Variants in WDR97 observed in about 807,000 individuals in gnomAD.
The protein encoded by WDR97 is WD repeat-containing protein 97.
In WDR97, 111 loss-of-function variants were observed where a neutral mutation model predicts 65.4. The observed-to-expected ratio is 1.70, with a 90% CI of 1.45 to 1.99. WDR97 has a LOEUF of 1.99. Among genes scored for constraint, WDR97 ranks in the 30% most tolerant of loss-of-function variants. WDR97 has a pLI of 0.00. For synonymous variants in WDR97, 802 were observed against 397.7 expected (o/e 2.02, Z -12.10); for missense variants, 1,674 against 865.0 (o/e 1.94, Z -11.73).
At chr8:144,115,147 T>G (rs918337312) in intron 21 of WDR97, among the ~76,000 whole-genome samples, 194 bp from the exon 22 acceptor site, 4 of 152,002 alleles carry the variant, frequency 2.6e-5, no homozygotes, top group Non-Finnish European at 4.4e-5. Context: ...GTCAGGGGAG[T>G]GGCAGCCCCT....
Position 144,114,426 on chromosome 8 carries a change from A to G in WDR97, c.3743A>G (p.Gln1248Arg). 1 of 702,828 alleles carries G rather than the reference A, an allele frequency of 1.4e-6. No homozygotes were observed. The highest frequency in any genetic ancestry group is 2.6e-6 in the Non-Finnish European group (1 of 384,982). The allele number at this position is 702,828 out of a possible 1,614,324, so 43.5% of individuals were successfully genotyped here. Residue 1248 changes from glutamine (Q) to arginine (R), a missense_variant, in exon 19 of 24, where the codon CAG becomes CGG. Gln to Arg is a conservative substitution (Grantham distance 43). Transcript: ENST00000323662. ...NMSSDLQGQL[Q>R]GLLVHLLNLD... Reference sequence around the variant, plus strand: ...AGCAGTGATCTCCAAGGCCAGCTGCAGGGCCTGCTCGTACACTTGCTCAAC... The same window carrying G: ...AGCAGTGATCTCCAAGGCCAGCTGCGGGGCCTGCTCGTACACTTGCTCAAC...
rs1836562247 is a variant in WDR97 at position 144,112,081 on chromosome 8, G to C, written c.2832G>C (p.Gln944His). ...DLGALGQHFS[Q>H]SPRVTVPIPP... The stretch of plus-strand genomic sequence containing the variant: ...GAGCCCTGGGCCAGCACTTCTCCCA[G>C]TCTCCCCGAGTCACAGTGCCGATCC... Residue 944 changes from glutamine (Q) to histidine (H), a missense_variant, in exon 13 of 24, where the codon CAG becomes CAC. Transcript: ENST00000323662. 3 of 702,844 alleles carry C rather than the reference G, an allele frequency of 4.3e-6. No individual in the cohort carries two copies. The highest frequency in any genetic ancestry group is 7.8e-6 in the Non-Finnish European group (3 of 385,036). 43.5% of individuals were successfully genotyped at this position (702,844 alleles called of 1,614,324 possible).
Position 144,115,541 on chromosome 8 carries a change from C to T in WDR97, c.4278C>T (p.Arg1426=), listed in dbSNP as rs2130117220. Residue 1426 remains arginine (R), a synonymous_variant, in exon 22 of 24, where the codon CGC becomes CGT. Coordinates refer to ENST00000323662, the MANE Select transcript of WDR97 (RefSeq NM_001316309.2). ...LQAQRMLAPK[R]SWGTPQLRLR... is the part of the protein sequence containing the mutation. ...CCCAGCGGATGCTGGCACCCAAGCG[C>T]AGCTGGGGGACCCCTCAGCTCCGTC... 4.3e-6 allele frequency: 3 copies of T among 697,202 alleles called. No individual in the cohort carries two copies. The South Asian group carries it at 4.5e-5, about 10-fold the overall frequency. The allele number at this position is 697,202 out of a possible 1,614,324, so 43.2% of individuals were successfully genotyped here.
Position 144,115,731 on chromosome 8 carries a change from T to C in WDR97, c.4468T>C (p.Phe1490Leu). 1 of 701,588 alleles carries C rather than the reference T, an allele frequency of 1.4e-6. No individual in the cohort carries two copies. Among genetic ancestry groups the C allele is most frequent in the Non-Finnish European group, 2.6e-6 (1 of 384,430 alleles). The allele number at this position is 701,588 out of a possible 1,614,324, so 43.5% of individuals were successfully genotyped here. ...GGGCCCCATCGACGCGCTCAACTTC[T>C]TCTGTGAGCAGCTGCGGGCGCAGCA... ...DLGPIDALNF[F>L]CEQLRAQQRS... Residue 1490 changes from phenylalanine (F) to leucine (L), a missense_variant, in exon 22 of 24, where the codon TTC (phenylalanine) becomes CTC (leucine). By Grantham distance (22) the Phe-to-Leu change is conservative. Coordinates refer to ENST00000323662, the MANE Select transcript of WDR97 (RefSeq NM_001316309.2).
rs1836455994 is a variant in WDR97 at position 144,108,159 on chromosome 8, G to C, written c.213G>C (p.Leu71=). ...GCGCCCGCGCCCGCCGGCTGTGGCT[G>C]CTTCTGCGCACCAGCCTCCACGAAG... ...TPRARARRLW[L]LLRTSLHEVV... Residue 71 remains leucine, a synonymous_variant, in exon 2 of 24, where the codon CTG becomes CTC. Transcript: ENST00000323662. 4.3e-6 allele frequency: 3 copies of C among 702,198 alleles called. No individual in the cohort carries two copies. Among genetic ancestry groups the C allele is most frequent in the Non-Finnish European group, 7.8e-6 (3 of 384,778 alleles). 43.5% of individuals were successfully genotyped at this position (702,198 alleles called of 1,614,324 possible).
chr8:144,109,456 C>T lies in WDR97; in HGVS notation c.1122C>T (p.Gly374=), dbSNP rs1836493469. Reference sequence around the variant, plus strand: ...CGCAGGTGGGCGAGGTAGCGCTGGGCTTCTGGGGCCAGGACAAGCTGTCCC... The same window carrying T: ...CGCAGGTGGGCGAGGTAGCGCTGGGTTTCTGGGGCCAGGACAAGCTGTCCC... The part of the protein sequence containing the change: ...AAAQVGEVAL[G]FWGQDKLSRR... The change falls in exon 5 of 24, where the codon GGC becomes GGT. Residue 374 remains glycine (G), a synonymous_variant. Coordinates refer to ENST00000323662, the MANE Select transcript of WDR97 (RefSeq NM_001316309.2). 1.4e-6 allele frequency: 1 copy of T among 700,842 alleles called. No individual in the cohort carries two copies. Among genetic ancestry groups the T allele is most frequent in the Non-Finnish European group, 2.6e-6 (1 of 384,092 alleles). The allele number at this position is 700,842 out of a possible 1,614,324, so 43.4% of individuals were successfully genotyped here.
At chr8:144,113,046 G>A (rs952036483) in intron 15 of WDR97, 16 of 342,948 alleles carry the variant, frequency 4.7e-5, no homozygotes, top group African/African-American at 3.4e-4. Context: ...TTGGGCCTGG[G>A]TGCCACCATC....
chr8:144,117,168 G>C lies in WDR97; in HGVS notation c.*875G>C. On this transcript the variant is annotated 3_prime_UTR_variant, in exon 24 of 24. Transcript: ENST00000323662. ...CAAATGGCTGCTCTTTCCCAGGCCG[G>C]TGCTTGACACAGTGGTGCCACCATC... 6.6e-6 allele frequency: 1 copy of C among 152,270 alleles called. No homozygotes were observed. The highest frequency in any genetic ancestry group is 1.5e-5 in the Non-Finnish European group (1 of 68,106). 9.4% of individuals were successfully genotyped at this position (152,270 alleles called of 1,614,324 possible).
At position 144,109,735 on chromosome 8, in the gene WDR97, C is replaced by T; in HGVS notation, c.1401C>T (p.Ser467=). ...LLSAATGRIV[S]SLLLEPEDCA... ...CGGCGGCCACCGGGCGCATAGTGAG[C>T]TCACTGCTGCTGGAGCCGGAGGACT... The change falls in exon 5 of 24, where the codon AGC becomes AGT. Residue 467 remains serine (S), a synonymous_variant. Transcript: ENST00000323662. The T allele has an allele frequency of 1.5e-6, 1 of 681,768 alleles. No homozygotes were observed. The highest frequency in any genetic ancestry group is 2.7e-6 in the Non-Finnish European group (1 of 376,782). 42.2% of individuals were successfully genotyped at this position (681,768 alleles called of 1,614,324 possible). A position where few individuals can be genotyped will look rare whatever the true frequency, so the allele number is the denominator to read the frequency against.
intron 15 of WDR97, chr8:144,112,924 T>G: frequency 3.3e-6 from 1 of 302,350 alleles, no homozygotes; most frequent in Non-Finnish European, 6.2e-6. Flanking sequence ...ACCTGGCCCT[T>G]TAGAATCCAC....
At position 144,109,219 on chromosome 8, in the gene WDR97, G is replaced by A. The variant is rs1211961995; in HGVS notation, c.1000+49G>A. ...GAGCCTCGGCCCTTTGCCTCCAGCC[G>A]CTCTAGGCTGTCCAGCATCTCCGCA... is the stretch of plus-strand genomic sequence containing the variant. On this transcript the variant is annotated intron_variant, in intron 4 of 23. Transcript: ENST00000323662. The A allele has an allele frequency of 5.7e-6, 4 of 702,234 alleles. No individual in the cohort carries two copies. The East Asian group carries it at 8.0e-5, about 14-fold the overall frequency. 43.5% of individuals were successfully genotyped at this position (702,234 alleles called of 1,614,324 possible).
At position 144,112,547 on chromosome 8, in the gene WDR97, G is replaced by C. The variant is rs1248849066; in HGVS notation, c.3105+17G>C. ...CCCCACAAGGTGAGACCCCCTCCCA[G>C]CTCCTGGAGAGCCACTCCTCTCCAG... is the stretch of plus-strand genomic sequence containing the variant. On this transcript the variant is annotated intron_variant, in intron 15 of 23. Transcript: ENST00000323662. The C allele has an allele frequency of 4.3e-6, 3 of 702,540 alleles. No homozygotes were observed. The Admixed American group carries it at 6.0e-5, about 14-fold the overall frequency. The allele number at this position is 702,540 out of a possible 1,614,324, so 43.5% of individuals were successfully genotyped here.
In WDR97 at chr8:144,111,462, A is replaced by G. The variant is rs1836547168; in HGVS notation, c.2463A>G (p.Thr821=). ...CTCTCATCCATCGTCGGAGGGCAAC[A>G]TCTCAGCACCTGGTGCCGAAGGAGG... ...ALSLIHRRRA[T]SQHLVPKEDL... is the part of the protein sequence containing the mutation. The change falls in exon 11 of 24, where the codon ACA becomes ACG. Residue 821 remains threonine, a synonymous_variant. Transcript: ENST00000323662. 1 of 702,702 alleles carries G rather than the reference A, an allele frequency of 1.4e-6. No homozygotes were observed. The highest frequency in any genetic ancestry group is 1.5e-5 in the South Asian group (1 of 67,606). 43.5% of individuals were successfully genotyped at this position (702,702 alleles called of 1,614,324 possible).
Position 144,115,827 on chromosome 8 carries a change from G to T in WDR97, c.4564G>T (p.Asp1522Tyr). The T allele has an allele frequency of 2.9e-6, 2 of 687,874 alleles. No individual in the cohort carries two copies. Among genetic ancestry groups the T allele is most frequent in the East Asian group, 2.7e-5 (1 of 36,962 alleles). 42.6% of individuals were successfully genotyped at this position (687,874 alleles called of 1,614,324 possible). The change falls in exon 22 of 24, where the codon GAC becomes TAC. Residue 1522 changes from aspartate to tyrosine, a missense_variant. Physicochemically the swap from Asp to Tyr is radical, Grantham distance 160. Transcript: ENST00000323662. ...GCCCTACACGGTGGCGCCGGTGCCC[G>T]ACATGGTGGTGCCACCTCCGCGGGA... ...PEPYTVAPVP[D>Y]MVVPPPREHW...
rs1297524413 is a variant in WDR97 at position 144,118,001 on chromosome 8, A to G, written c.*1708A>G. The G allele has an allele frequency of 6.6e-6, 1 of 152,224 alleles. No homozygotes were observed. The highest frequency in any genetic ancestry group is 1.5e-5 in the Non-Finnish European group (1 of 68,048). The allele number at this position is 152,224 out of a possible 1,614,324, so 9.4% of individuals were successfully genotyped here. A position where few individuals can be genotyped will look rare whatever the true frequency, so the allele number is the denominator to read the frequency against. On this transcript the variant is annotated 3_prime_UTR_variant, in exon 24 of 24. Transcript: ENST00000323662. ...GGAGGGTGGGAAAAGGTCAAAGAGA[A>G]AGATGCTGTTGTCTGAGTCTTGCCT...
At chr8:144,113,574 G>T in intron 16 of WDR97, 57 bp downstream of exon 16, 2 of 680,490 alleles carry the variant, frequency 2.9e-6, no homozygotes, top group Non-Finnish European at 5.4e-6. Context: ...TCGAGGCAAG[G>T]GGCAGGGCTG....
In WDR97 at chr8:144,109,949, G is replaced by A. The variant is rs1342045667; in HGVS notation, c.1615G>A (p.Ala539Thr). Residue 539 changes from alanine to threonine, a missense_variant, in exon 5 of 24, where the codon GCC becomes ACC. By Grantham distance (58) the Ala-to-Thr change is moderately conservative. Transcript: ENST00000323662. The part of the protein sequence containing the change: ...LYSHLTDLEG[A>T]FSSWEIVRQH... The stretch of plus-strand genomic sequence containing the variant: ...CAGCCACCTCACGGATCTCGAAGGC[G>A]CCTTCTCCTCCTGGGAGATCGTGCG... The A allele has an allele frequency of 2.8e-6, 2 of 702,104 alleles. No homozygotes were observed. Among genetic ancestry groups the A allele is most frequent in the Non-Finnish European group, 5.2e-6 (2 of 384,666 alleles). 43.5% of individuals were successfully genotyped at this position (702,104 alleles called of 1,614,324 possible).
Position 144,111,738 on chromosome 8 carries a change from G to C in WDR97, c.2594G>C (p.Gly865Ala), listed in dbSNP as rs1301238518. ...CCCTCCTGGCAGCAGCGCCAGGAAGGCTTTGACAATTACCTCCGTCTGATC... is the reference window on the plus strand; with the variant it reads ...CCCTCCTGGCAGCAGCGCCAGGAAGCCTTTGACAATTACCTCCGTCTGATC... ...PPPSWQQRQE[G>A]FDNYLRLIYG... The change falls in exon 12 of 24, where the codon GGC becomes GCC. Residue 865 changes from glycine (G) to alanine (A), a missense_variant. Physicochemically the swap from Gly to Ala is moderately conservative, Grantham distance 60. Coordinates refer to ENST00000323662, the MANE Select transcript of WDR97 (RefSeq NM_001316309.2). 2.9e-6 allele frequency: 2 copies of C among 693,612 alleles called. No individual in the cohort carries two copies. Among genetic ancestry groups the C allele is most frequent in the African/African-American group, 3.5e-5 (2 of 56,914 alleles). The allele number at this position is 693,612 out of a possible 1,614,324, so 43.0% of individuals were successfully genotyped here.
At position 144,116,997 on chromosome 8, in the gene WDR97, CTT is replaced by C. The variant is rs1814767685; in HGVS notation, c.*707_*708del. The C allele has an allele frequency of 6.6e-6, 1 of 152,334 alleles. No individual in the cohort carries two copies. The highest frequency in any genetic ancestry group is 1.5e-5 in the Non-Finnish European group (1 of 68,130). The allele number at this position is 152,334 out of a possible 1,614,324, so 9.4% of individuals were successfully genotyped here. A position where few individuals can be genotyped will look rare whatever the true frequency, so the allele number is the denominator to read the frequency against. ...GGGAATCCCCGGCTTTTACACCTGT[CTT>C]TTGTGTTGTCTGAGCAGTGATTTCC... On this transcript the variant is annotated 3_prime_UTR_variant, in exon 24 of 24. Coordinates refer to ENST00000323662, the MANE Select transcript of WDR97 (RefSeq NM_001316309.2).
Sources: allele counts gnomAD v4.1 joint callset (sites outside exome capture counted in the v4.1 genomes callset), GRCh38; gene constraint gnomAD v4.1.1; transcripts MANE v1.5; gene names NCBI Gene and HGNC (gene_info 2026-07-23, HGNC 2026-07-21).